The following RGS10 variants were observed in gnomAD, a reference collection of about 807,000 sequenced individuals.
The protein encoded by RGS10 is regulator of G-protein signalling 10.
In RGS10, 11 loss-of-function variants were observed where a neutral mutation model predicts 23.5. That is an observed-to-expected ratio of 0.47 (90% CI 0.29 to 0.77). RGS10 has a LOEUF of 0.77. Among genes scored for constraint, RGS10 ranks in the 30% least tolerant of loss-of-function variants. The pLI, the probability that RGS10 is intolerant of heterozygous loss-of-function variation, is 0.08. For synonymous variants in RGS10, 77 were observed against 83.2 expected, an observed-to-expected ratio of 0.92 and a Z score of 0.41; for missense variants, 180 against 226.3, an observed-to-expected ratio of 0.80 and a Z score of 1.31.
chr10:119,537,523 A>G (rs1157467645), intron 1 of RGS10, among the ~76,000 whole-genome samples: 2 of 152,236 alleles, frequency 1.3e-5, no homozygotes, highest in African/African-American at 4.8e-5. Flanking sequence ...CAGAGACGAT[A>G]AATAATTTGC....
At chr10:119,502,653 G>A (rs951275337) in intron 4 of RGS10, among the ~76,000 whole-genome samples, 1 of 152,128 alleles carries the variant, frequency 6.6e-6, no homozygotes, top group African/African-American at 2.4e-5. Context: ...GGCTGCACCG[G>A]GCTGGCAGGA....
intron 4 of RGS10, among the ~76,000 whole-genome samples, chr10:119,509,740 G>A (rs1384823597): frequency 1.3e-5 from 2 of 152,182 alleles, no homozygotes; most frequent in Non-Finnish European, 2.9e-5. Flanking sequence ...GCTCAGAGAG[G>A]TAGCAGAGTA....
chr10:119,505,223 G>A (rs966870695), intron 4 of RGS10, among the ~76,000 whole-genome samples: 6 of 151,888 alleles, frequency 4.0e-5, no homozygotes, highest in Non-Finnish European at 8.8e-5. Context: ...CCGCAGGTGA[G>A]TGGAAGACAC....
chr10:119,533,285 T>C (rs1017757250), intron 1 of RGS10, among the ~76,000 whole-genome samples: 1 of 151,664 alleles, frequency 6.6e-6, no homozygotes. Context: ...TGAGCTGAGA[T>C]TGCGCCACTG....
intron 1 of RGS10, among the ~76,000 whole-genome samples, chr10:119,528,521 G>A (rs770756650): frequency 1.3e-4 from 20 of 151,946 alleles, no homozygotes; most frequent in Admixed American, 6.6e-5. Flanking sequence ...TGTTCATTAC[G>A]GATGTTTCTG....
intron 3 of RGS10, among the ~76,000 whole-genome samples, chr10:119,518,471 G>A (rs942068154): frequency 3.9e-5 from 6 of 152,182 alleles, no homozygotes; most frequent in African/African-American, 1.4e-4. Flanking sequence ...GTCAGCTCTC[G>A]AACCCGGCTC....
At chr10:119,503,922 A>C (rs1425864554) in intron 4 of RGS10, among the ~76,000 whole-genome samples, 1 of 152,208 alleles carries the variant, frequency 6.6e-6, no homozygotes, top group Non-Finnish European at 1.5e-5. Context: ...TCTGGGGATT[A>C]GGACTTCAAC....
At chr10:119,528,369 T>G (rs571016915) in intron 1 of RGS10, among the ~76,000 whole-genome samples, 12 of 152,128 alleles carry the variant, frequency 7.9e-5, no homozygotes, top group Non-Finnish European at 1.6e-4. Context: ...AAATTTATGC[T>G]AAAAAATCCA....
intron 3 of RGS10, among the ~76,000 whole-genome samples, chr10:119,515,952 C>A (rs976753990): frequency 9.9e-5 from 15 of 152,192 alleles, no homozygotes; most frequent in Admixed American, 7.9e-4. Flanking sequence ...CACTCAGTAC[C>A]ATTTACAGCC....
At chr10:119,533,345 TAAAAAAAAA>T (rs758945940) in intron 1 of RGS10, among the ~76,000 whole-genome samples, 1 of 143,960 alleles carries the variant, frequency 6.9e-6, no homozygotes, top group Non-Finnish European at 1.5e-5. Context: ...GAAAAAAGTT[TAAAAAAAAA>T]AAGAAAAAAA....
intron 3 of RGS10, 130 bp from the exon 4 acceptor site, chr10:119,515,782 G>T: frequency 9.5e-7 from 1 of 1,055,878 alleles, no homozygotes; most frequent in Non-Finnish European, 1.4e-6. Context: ...CAGCCCAGGG[G>T]CTCTCAGGCC....
chr10:119,535,225 C>G (rs1022130975), intron 1 of RGS10, among the ~76,000 whole-genome samples: 13 of 146,394 alleles, frequency 8.9e-5, no homozygotes, highest in Non-Finnish European at 1.3e-4. Context: ...AGAACAATCA[C>G]ACTTTGGGGA....
chr10:119,512,497 C>T (rs183318999), intron 4 of RGS10, among the ~76,000 whole-genome samples: 101 of 152,174 alleles, frequency 6.6e-4, no homozygotes, highest in Non-Finnish European at 1.1e-3. Context: ...TTGTTTTCAC[C>T]CAATTATGCC....
At chr10:119,539,407 G>C (rs957260390) in intron 1 of RGS10, among the ~76,000 whole-genome samples, 1 of 152,234 alleles carries the variant, frequency 6.6e-6, no homozygotes, top group Non-Finnish European at 1.5e-5. Flanking sequence ...ATTCCCCTGA[G>C]AGGTCACCCC....
chr10:119,520,010 G>A (rs1442946233), intron 3 of RGS10, among the ~76,000 whole-genome samples: 1 of 152,166 alleles, frequency 6.6e-6, no homozygotes, highest in Non-Finnish European at 1.5e-5. Context: ...TGGCTGGCAG[G>A]CCCTGTAGCC....
At chr10:119,508,032 T>C (rs935016532) in intron 4 of RGS10, among the ~76,000 whole-genome samples, 2 of 151,722 alleles carry the variant, frequency 1.3e-5, no homozygotes, top group East Asian at 2.0e-4. Context: ...AGTTTCGCTC[T>C]TGTCACCTAG....
chr10:119,507,467 CCT>C, intron 4 of RGS10, among the ~76,000 whole-genome samples: 1 of 152,146 alleles, frequency 6.6e-6, no homozygotes, highest in Non-Finnish European at 1.5e-5. Flanking sequence ...GCATTTTTCC[CCT>C]CTTACGTTCT....
intron 4 of RGS10, among the ~76,000 whole-genome samples, chr10:119,512,929 T>C (rs7084496): frequency 0.033 from 5,038 of 152,300 alleles, 234 homozygotes; most frequent in African/African-American, 0.1. Flanking sequence ...CTGTTTGGTG[T>C]GCATAAACAT....
In RGS10 at chr10:119,523,033, T is replaced by C. The variant is rs148327184; in HGVS notation, c.255+2999A>G. 4.5e-3 allele frequency among the ~76,000 whole-genome samples: 680 copies of C among 151,502 alleles called. 5 individuals are homozygous for C. Among genetic ancestry groups the C allele is most frequent in the African/African-American group, 0.016 (658 of 41,180 alleles). On this transcript the variant is annotated intron_variant, in intron 3 of 4. Transcript: ENST00000369103. ...TTTTTTTTTTTTTTTTGGTATTTTT[T>C]GTAGAGACAAGGTCTCACCATGTTG...
Sources: allele counts gnomAD v4.1 joint callset (sites outside exome capture counted in the v4.1 genomes callset), GRCh38; gene constraint gnomAD v4.1.1; transcripts MANE v1.5; gene names NCBI Gene and HGNC (gene_info 2026-07-23, HGNC 2026-07-21).